Variants in TPST1 observed in about 807,000 individuals in gnomAD.
The protein encoded by TPST1 is tyrosylprotein sulfotransferase 1.
A neutral mutation model predicts 34.8 loss-of-function variants in TPST1; 20 were observed. That is an observed-to-expected ratio of 0.57 (90% CI 0.40 to 0.84). The LOEUF is 0.84. TPST1 is among the 40% of genes least tolerant of loss of function. TPST1 has a pLI of 0.00. For missense variants in TPST1, 353 were observed against 455.5 expected (o/e 0.78, Z 2.05); for synonymous variants, 152 against 159.4 (o/e 0.95, Z 0.35).
At chr7:66,223,325 G>A (rs1343445224) in intron 1 of TPST1, among the ~76,000 whole-genome samples, 2 of 151,560 alleles carry the variant, frequency 1.3e-5, no homozygotes, top group African/African-American at 4.9e-5. Context: ...AGCCAGGTAT[G>A]GTTTGCATGC....
chr7:66,224,822 C>T (rs28682868), intron 1 of TPST1, among the ~76,000 whole-genome samples: 89,629 of 151,108 alleles, frequency 0.59, 26,977 homozygotes, highest in African/African-American at 0.68. Flanking sequence ...AATAGTGATT[C>T]CTCAGATACG....
chr7:66,329,067 A>T lies in TPST1; in HGVS notation c.1045-23438A>T, dbSNP rs547624726. Among the ~76,000 whole-genome samples the T allele has an allele frequency of 3.3e-5, 5 of 150,572 alleles. No individual in the cohort carries two copies. In the South Asian group the frequency reaches 1.1e-3, roughly 32 times the overall value. On this transcript the variant is annotated intron_variant, in intron 3 of 5. Transcript: ENST00000304842. ...GCTGGGATTACAGGTGCGCACAACC[A>T]CGCCCAGCTAATACTTGTATTTTTT...
chr7:66,234,835 C>G (rs1268381165), intron 1 of TPST1, among the ~76,000 whole-genome samples: 1 of 151,708 alleles, frequency 6.6e-6, no homozygotes, highest in Non-Finnish European at 1.5e-5. Flanking sequence ...CGCCAACACG[C>G]CTGGCTAATT....
intron 3 of TPST1, among the ~76,000 whole-genome samples, chr7:66,312,196 A>G (rs1386904581): frequency 1.3e-5 from 2 of 152,232 alleles, no homozygotes; most frequent in Non-Finnish European, 2.9e-5. Flanking sequence ...TCCTTAAGAA[A>G]TAGGTTCCCC....
chr7:66,301,629 A>G (rs1386107259), intron 3 of TPST1, among the ~76,000 whole-genome samples: 2 of 152,174 alleles, frequency 1.3e-5, no homozygotes, highest in Non-Finnish European at 2.9e-5. Context: ...TTCAATATCA[A>G]TGTGTCACAG....
chr7:66,263,132 AT>A (rs1790521385), intron 2 of TPST1, among the ~76,000 whole-genome samples: 1 of 152,060 alleles, frequency 6.6e-6, no homozygotes, highest in Non-Finnish European at 1.5e-5. Context: ...AAATAAAAAA[AT>A]AAAATAAAAT....
chr7:66,247,368 C>T (rs1387510320), intron 2 of TPST1, among the ~76,000 whole-genome samples: 1 of 152,132 alleles, frequency 6.6e-6, no homozygotes, highest in Non-Finnish European at 1.5e-5. Context: ...GTGGAGGTTC[C>T]AGTGAGCTGA....
Position 66,332,038 on chromosome 7 carries a change from G to A in TPST1, c.1045-20467G>A, listed in dbSNP as rs1035715496. Among the ~76,000 whole-genome samples, 3 of 152,018 alleles carry A rather than the reference G, an allele frequency of 2.0e-5. No homozygotes were observed. The highest frequency in any genetic ancestry group is 7.3e-5 in the African/African-American group (3 of 41,362). On this transcript the variant is annotated intron_variant, in intron 3 of 5. Transcript: ENST00000304842. This position sits in a 1 kb window ranked among gnomAD's most constrained non-coding sequence, Gnocchi z 4.5. ...TACTGATTCTGCAATATAGTGAGTT[G>A]TGTAATAATTTCACTATATATTATG... is the stretch of plus-strand genomic sequence containing the variant.
At chr7:66,229,062 T>C (rs59109807) in intron 1 of TPST1, among the ~76,000 whole-genome samples, 3 of 152,050 alleles carry the variant, frequency 2.0e-5, no homozygotes, top group African/African-American at 7.2e-5. Context: ...CATCCACTGA[T>C]CTATAGTTTT....
At chr7:66,265,437 C>T (rs902260524) in intron 2 of TPST1, among the ~76,000 whole-genome samples, 5 of 151,934 alleles carry the variant, frequency 3.3e-5, no homozygotes, top group African/African-American at 1.2e-4. Flanking sequence ...GTAGTCCCAG[C>T]TACTCAGGAG....
At chr7:66,252,656 T>A (rs887654793) in intron 2 of TPST1, among the ~76,000 whole-genome samples, 1 of 152,188 alleles carries the variant, frequency 6.6e-6, no homozygotes, top group Non-Finnish European at 1.5e-5. Flanking sequence ...TTAACTTCCT[T>A]TTTAATATCT....
At chr7:66,293,203 C>T (rs138698480) in intron 3 of TPST1, among the ~76,000 whole-genome samples, 2 of 150,026 alleles carry the variant, frequency 1.3e-5, no homozygotes, top group East Asian at 3.9e-4. Context: ...GAGACTCCAT[C>T]TCAAAAAAAA....
chr7:66,321,756 ATCT>A (rs1791762358), intron 3 of TPST1, among the ~76,000 whole-genome samples: 1 of 152,196 alleles, frequency 6.6e-6, no homozygotes, highest in South Asian at 2.1e-4. Context: ...GTACAGTTTA[ATCT>A]TCTAAAATTG....
intron 3 of TPST1, among the ~76,000 whole-genome samples, chr7:66,327,572 A>G (rs1015953503): frequency 6.6e-6 from 1 of 151,992 alleles, no homozygotes; most frequent in Non-Finnish European, 1.5e-5. Context: ...AAAATACAAA[A>G]ATTAGCTAGG....
intron 3 of TPST1, among the ~76,000 whole-genome samples, chr7:66,326,938 T>A (rs1347693244): frequency 6.6e-6 from 1 of 152,240 alleles, no homozygotes; most frequent in African/African-American, 2.4e-5. Flanking sequence ...AGTCTGAGAT[T>A]TGCAAAGCTG....
At chr7:66,313,876 C>G (rs1354424834) in intron 3 of TPST1, among the ~76,000 whole-genome samples, 1 of 151,980 alleles carries the variant, frequency 6.6e-6, no homozygotes, top group Non-Finnish European at 1.5e-5. Flanking sequence ...CCTACCAGTA[C>G]AGGTTTCAGT....
intron 1 of TPST1, among the ~76,000 whole-genome samples, chr7:66,234,414 C>CACACACACACACACACAT (rs1554342893): frequency 6.6e-6 from 1 of 150,864 alleles, no homozygotes; most frequent in Admixed American, 6.6e-5. Context: ...CACACACACA[C>CACACACACACACACACAT]ACACACACAC....
chr7:66,348,956 C>T (rs1562855636), intron 3 of TPST1, among the ~76,000 whole-genome samples: 1 of 151,906 alleles, frequency 6.6e-6, no homozygotes, highest in Non-Finnish European at 1.5e-5. Context: ...TTCATATAAG[C>T]CTTACCTATC....
At chr7:66,202,570 A>G (rs1789044229), upstream of TPST1, among the ~76,000 whole-genome samples, 1 of 152,114 alleles carries the variant, frequency 6.6e-6, no homozygotes, top group Non-Finnish European at 1.5e-5. Context: ...CTCCATCTCT[A>G]CTTTGTGGAA....
Sources: gnomAD v4.1 joint callset for allele counts (sites outside exome capture counted in the v4.1 genomes callset) on GRCh38, gnomAD v4.1.1 for gene constraint, Gnocchi (gnomAD v3.1) non-coding constraint, MANE v1.5 for transcripts, NCBI Gene and HGNC (gene_info 2026-07-23, HGNC 2026-07-21) for gene names.